BRINP1: variants seen among roughly 807,000 people sequenced by gnomAD.
BRINP1 encodes BMP/retinoic acid-inducible neural-specific protein 1.
BRINP1 carries 17 observed loss-of-function variants against 72.9 expected under a neutral mutation model. The observed-to-expected ratio is 0.23, with a 90% CI of 0.16 to 0.35. BRINP1 has a LOEUF of 0.35. Ranked by LOEUF, BRINP1 falls within the 10% of genes least tolerant of loss-of-function variation. The pLI, the probability that BRINP1 is intolerant of heterozygous loss-of-function variation, is 1.00. For synonymous variants in BRINP1, 418 were observed against 378.5 expected, an observed-to-expected ratio of 1.10 and a Z score of -1.21; for missense variants, 850 against 1,001.6, an observed-to-expected ratio of 0.85 and a Z score of 2.04.
intron 5 of BRINP1, among the ~76,000 whole-genome samples, chr9:119,234,532 T>A (rs2118902918): frequency 6.6e-6 from 1 of 152,338 alleles, no homozygotes; most frequent in African/African-American, 2.4e-5. Context: ...TAAGTGTTCT[T>A]TGTCAGGCAC....
intron 2 of BRINP1, among the ~76,000 whole-genome samples, chr9:119,302,504 A>G (rs1028625124): frequency 6.6e-6 from 1 of 152,088 alleles, no homozygotes; most frequent in Non-Finnish European, 1.5e-5. Context: ...GCCTATGGGA[A>G]TCATAAAAAA....
In BRINP1 at chr9:119,167,825, G is replaced by C. The variant is rs770210209; in HGVS notation, c.1545C>G (p.Phe515Leu). 6.2e-7 allele frequency: 1 copy of C among 1,614,202 alleles called. No individual in the cohort carries two copies. Among genetic ancestry groups the C allele is most frequent in the Non-Finnish European group, 8.5e-7 (1 of 1,180,038 alleles). ...FISNEIRLDT[F>L]FDPRWRKRMS... ...TGCGCTTGCGCCACCGAGGGTCAAA[G>C]AAGGTGTCGAGGCGGATCTCGTTGC... Residue 515 changes from phenylalanine (F) to leucine (L), a missense_variant, in exon 8 of 8, where the codon TTC becomes TTG. Physicochemically the swap from Phe to Leu is conservative, Grantham distance 22. Coordinates refer to ENST00000265922, the MANE Select transcript of BRINP1 (RefSeq NM_014618.3). This position sits in a 1 kb window ranked among gnomAD's most constrained non-coding sequence, Gnocchi z 4.3.
chr9:119,312,007 GA>G (rs2118993748), intron 2 of BRINP1, among the ~76,000 whole-genome samples: 1 of 152,284 alleles, frequency 6.6e-6, no homozygotes, highest in East Asian at 1.9e-4. Context: ...TCTCATAGAG[GA>G]GGTTATGAGG....
At chr9:119,300,058 C>A (rs1830925115) in intron 2 of BRINP1, among the ~76,000 whole-genome samples, 1 of 152,074 alleles carries the variant, frequency 6.6e-6, no homozygotes, top group Non-Finnish European at 1.5e-5. Context: ...CGTTTCACAC[C>A]CCACTTCACA....
chr9:119,256,869 T>C (rs113407947), intron 2 of BRINP1, among the ~76,000 whole-genome samples: 128 of 152,350 alleles, frequency 8.4e-4, no homozygotes, highest in Non-Finnish European at 1.3e-3. Flanking sequence ...TTTACTCTTC[T>C]CATGCATGTT....
chr9:119,293,882 T>C (rs1055667731), intron 2 of BRINP1, among the ~76,000 whole-genome samples: 5 of 152,186 alleles, frequency 3.3e-5, no homozygotes, highest in African/African-American at 1.2e-4. Flanking sequence ...CTATTCAGCA[T>C]AGTATTGGAA....
chr9:119,220,204 G>A (rs1339545112), intron 5 of BRINP1, among the ~76,000 whole-genome samples: 2 of 152,064 alleles, frequency 1.3e-5, no homozygotes, highest in Non-Finnish European at 2.9e-5. Flanking sequence ...GGAAAAAAAT[G>A]GGGCTCACTG....
At chr9:119,341,968 A>G (rs1218343157) in intron 1 of BRINP1, among the ~76,000 whole-genome samples, 1 of 151,954 alleles carries the variant, frequency 6.6e-6, no homozygotes, top group Non-Finnish European at 1.5e-5. Context: ...GGGTTTTGCC[A>G]TGTTGGCCAG....
chr9:119,345,786 T>C (rs1831444756), intron 1 of BRINP1, among the ~76,000 whole-genome samples: 1 of 152,204 alleles, frequency 6.6e-6, no homozygotes, highest in African/African-American at 2.4e-5. Flanking sequence ...GCTTTGATGA[T>C]GAGAGTTAAC....
chr9:119,316,142 G>A (rs774057167), intron 1 of BRINP1, among the ~76,000 whole-genome samples: 3 of 152,102 alleles, frequency 2.0e-5, no homozygotes, highest in African/African-American at 4.8e-5. Context: ...CCTGGAGTGC[G>A]GTGGTGCAAT....
intron 6 of BRINP1, among the ~76,000 whole-genome samples, chr9:119,211,994 T>C (rs770354291): frequency 1.2e-4 from 19 of 152,178 alleles, no homozygotes; most frequent in Non-Finnish European, 2.5e-4. Context: ...TCCCTCTGTT[T>C]TTTTTTTGTT....
intron 1 of BRINP1, among the ~76,000 whole-genome samples, chr9:119,331,874 G>A (rs1324620): frequency 0.14 from 20,848 of 152,142 alleles, 1,717 homozygotes; most frequent in African/African-American, 0.22. Context: ...CAGACTTACC[G>A]AATCATAAAT....
chr9:119,272,164 C>T (rs531610600), intron 2 of BRINP1, among the ~76,000 whole-genome samples: 20 of 151,328 alleles, frequency 1.3e-4, no homozygotes, highest in South Asian at 2.1e-4. Flanking sequence ...ATGCAACCTC[C>T]GCCTCCCGGG....
At chr9:119,266,463 G>A (rs1830549063) in intron 2 of BRINP1, among the ~76,000 whole-genome samples, 1 of 152,190 alleles carries the variant, frequency 6.6e-6, no homozygotes, top group Non-Finnish European at 1.5e-5. Context: ...CTCAAATCAA[G>A]CTAATGAATA....
rs914983563 is a variant in BRINP1, at chr9:119,368,012, C to A, written c.-51+1044G>T. ...TCTTAGGAAAGTGCCCCATCCATCTCCTTCCATATCATCCACAGCCGCCCC... is the reference window on the plus strand; with the variant it reads ...TCTTAGGAAAGTGCCCCATCCATCTACTTCCATATCATCCACAGCCGCCCC... On this transcript the variant is annotated intron_variant, in intron 1 of 7. Transcript: ENST00000265922. The surrounding 1 kb of genome is among the most constrained non-coding windows in gnomAD (Gnocchi z 4.7). Among the ~76,000 whole-genome samples the A allele has an allele frequency of 3.3e-5, 5 of 152,228 alleles. No individual in the cohort carries two copies. Among genetic ancestry groups the A allele is most frequent in the African/African-American group, 1.2e-4 (5 of 41,464 alleles).
chr9:119,338,246 CT>C (rs11335944), intron 1 of BRINP1, among the ~76,000 whole-genome samples: 99,353 of 142,622 alleles, frequency 0.7, 34,727 homozygotes, highest in African/African-American at 0.78. Context: ...GTTTTTGTTT[CT>C]TTTTTTTTTT....
chr9:119,171,910 A>C (rs1465978626), intron 7 of BRINP1, among the ~76,000 whole-genome samples: 1 of 128,660 alleles, frequency 7.8e-6, no homozygotes, highest in Non-Finnish European at 1.6e-5. Flanking sequence ...TGAAGGCAGA[A>C]ATAAAGATGT....
chr9:119,237,623 A>G (rs1263856496), intron 5 of BRINP1, among the ~76,000 whole-genome samples: 1 of 151,290 alleles, frequency 6.6e-6, no homozygotes, highest in Non-Finnish European at 1.5e-5. Flanking sequence ...CGGCCTCCCA[A>G]AGTGCTGGGA....
intron 2 of BRINP1, 59 bp from the exon 3 acceptor site, chr9:119,249,209 T>G: frequency 1.3e-6 from 2 of 1,518,180 alleles, no homozygotes; most frequent in Non-Finnish European, 1.8e-6. Context: ...TAAGCCAAAG[T>G]CCACCCAACC....
Sources: gnomAD v4.1 joint callset for allele counts (sites outside exome capture counted in the v4.1 genomes callset) on GRCh38, gnomAD v4.1.1 for gene constraint, Gnocchi (gnomAD v3.1) non-coding constraint, MANE v1.5 for transcripts, NCBI Gene and HGNC (gene_info 2026-07-23, HGNC 2026-07-21) for gene names.